The following RNF157 variants were observed in gnomAD, a reference collection of about 807,000 sequenced individuals.
RNF157 encodes ring finger protein 157.
Under a neutral mutation model 88.3 loss-of-function variants are expected in RNF157, and 55 were observed. That is an observed-to-expected ratio of 0.62 (90% CI 0.50 to 0.78). RNF157 has a LOEUF of 0.78. RNF157 is among the 30% of genes least tolerant of loss of function. The pLI is 0.00. For synonymous variants in RNF157, 334 were observed against 341.2 expected, an observed-to-expected ratio of 0.98 and a Z score of 0.23; for missense variants, 788 against 860.8, an observed-to-expected ratio of 0.92 and a Z score of 1.06.
chr17:76,219,248 C>T (rs1281620721), intron 1 of RNF157, among the ~76,000 whole-genome samples: 1 of 151,178 alleles, frequency 6.6e-6, no homozygotes, highest in Non-Finnish European at 1.5e-5. Flanking sequence ...TTCCTAAATC[C>T]AAAAAATACA....
At chr17:76,218,301 T>C (rs528280814) in intron 1 of RNF157, among the ~76,000 whole-genome samples, 1 of 152,122 alleles carries the variant, frequency 6.6e-6, no homozygotes, top group Non-Finnish European at 1.5e-5. Context: ...TCTAAGGTAG[T>C]CAAAGAAAGA....
At chr17:76,156,580 AGACTGCAGCTCGGGT>A in intron 13 of RNF157, 2 of 960,074 alleles carry the variant, frequency 2.1e-6, no homozygotes, top group Non-Finnish European at 2.5e-6. Context: ...GGCCATACAA[AGACTGCAGCTCGGGT>A]GACACAGGTC....
chr17:76,167,403 T>C (rs544032927), intron 4 of RNF157, among the ~76,000 whole-genome samples: 1 of 152,278 alleles, frequency 6.6e-6, no homozygotes, highest in Non-Finnish European at 1.5e-5. Flanking sequence ...ATGGCACAAT[T>C]TGAAGGGAAA....
In RNF157 at chr17:76,161,643, G is replaced by A; in HGVS notation, c.957C>T (p.Phe319=). 1 of 1,613,036 alleles carries A rather than the reference G, an allele frequency of 6.2e-7. No homozygotes were observed. The highest frequency in any genetic ancestry group is 1.1e-5 in the South Asian group (1 of 91,010). The stretch of plus-strand genomic sequence containing the variant: ...TGGCTCGGATCTGAAGCAGTGCCCG[G>A]AAGGCTGTGAAGGAGAAAACAGGCA... ...ANNCPICRLP[F]RALLQIRAMR... Residue 319 remains phenylalanine (F), a synonymous_variant, in exon 11 of 19, where the codon TTC becomes TTT. Coordinates refer to ENST00000269391, the MANE Select transcript of RNF157 (RefSeq NM_052916.3). This position sits in a 1 kb window ranked among gnomAD's most constrained non-coding sequence, Gnocchi z 4.6.
At position 76,226,283 on chromosome 17, in the gene RNF157, T is replaced by A; in HGVS notation, c.89-13801A>T. On this transcript the variant is annotated intron_variant, in intron 1 of 18. Transcript: ENST00000269391. ...GCCCAGCTCTAAACTAAAGGAATGA[T>A]CTGGAGTGGAGGACTGGACCCCTGG... The A allele has an allele frequency of 3.7e-6, 6 of 1,609,030 alleles. No homozygotes were observed. In the South Asian group the frequency reaches 6.6e-5, roughly 18 times the overall value.
In RNF157 at chr17:76,240,098, A is replaced by ACCCCGG; in HGVS notation, c.88+54_88+55insCCGGGG. On this transcript the variant is annotated intron_variant, in intron 1 of 18. Coordinates refer to ENST00000269391, the MANE Select transcript of RNF157 (RefSeq NM_052916.3). The surrounding 1 kb of genome is among the most constrained non-coding windows in gnomAD (Gnocchi z 4.4). ...GCCCCCTCAGGCCGTCCCGACCCAG[A>ACCCCGG]CCCCTGCCCCTGCCCCTCTCCCTCC... The ACCCCGG allele has an allele frequency of 9.0e-7, 1 of 1,109,472 alleles. No individual in the cohort carries two copies. The highest frequency in any genetic ancestry group is 4.3e-5 in the Admixed American group (1 of 23,412). The allele number at this position is 1,109,472 out of a possible 1,614,324, so 68.7% of individuals were successfully genotyped here. A position where few individuals can be genotyped will look rare whatever the true frequency, so the allele number is the denominator to read the frequency against.
intron 18 of RNF157, among the ~76,000 whole-genome samples, chr17:76,150,843 G>A (rs993429394): frequency 1.3e-5 from 2 of 152,250 alleles, no homozygotes; most frequent in South Asian, 4.1e-4. Flanking sequence ...TCCCAGGTGT[G>A]TGCGTGCCCA....
chr17:76,161,672 A>G lies in RNF157; in HGVS notation c.953-25T>C. ...GCTGTGAAGGAGAAAACAGGCAATC[A>G]GGACATCCTGATACAGGATTAAGAA... On this transcript the variant is annotated intron_variant, in intron 10 of 18. Transcript: ENST00000269391. This position sits in a 1 kb window ranked among gnomAD's most constrained non-coding sequence, Gnocchi z 4.6. 1 of 1,595,082 alleles carries G rather than the reference A, an allele frequency of 6.3e-7. No individual in the cohort carries two copies. The highest frequency in any genetic ancestry group is 1.1e-5 in the South Asian group (1 of 90,472).
chr17:76,170,910 T>C (rs776501758), intron 3 of RNF157, among the ~76,000 whole-genome samples: 1 of 152,206 alleles, frequency 6.6e-6, no homozygotes, highest in Non-Finnish European at 1.5e-5. Flanking sequence ...TTTATTTTAT[T>C]GAGATGGAGT....
chr17:76,190,779 C>T (rs552865115), intron 2 of RNF157, among the ~76,000 whole-genome samples: 89 of 151,478 alleles, frequency 5.9e-4, no homozygotes, highest in Non-Finnish European at 1.1e-3. Flanking sequence ...TGGTGGCAGG[C>T]GCCCTGTAGT....
intron 3 of RNF157, among the ~76,000 whole-genome samples, chr17:76,170,279 G>A (rs1382924916): frequency 2.6e-5 from 4 of 152,010 alleles, no homozygotes; most frequent in Non-Finnish European, 4.4e-5. Flanking sequence ...CCAGGCTGGA[G>A]TGCAGTGCTG....
rs1467520929 is a variant in RNF157 at position 76,146,432 on chromosome 17, G to A, written c.1922-1079C>T. ...TCCTCTTCATCTCCTGCCCACAGAT[G>A]AGCTCCTCCCTCCAGTGCCCTCCCT... is the stretch of plus-strand genomic sequence containing the variant. On this transcript the variant is annotated intron_variant, in intron 18 of 18. Coordinates refer to ENST00000269391, the MANE Select transcript of RNF157 (RefSeq NM_052916.3). This position sits in a 1 kb window ranked among gnomAD's most constrained non-coding sequence, Gnocchi z 4.2. 4 of 985,516 alleles carry A rather than the reference G, an allele frequency of 4.1e-6. No individual in the cohort carries two copies. The highest frequency in any genetic ancestry group is 4.8e-6 in the Non-Finnish European group (4 of 830,074). 61.0% of individuals were successfully genotyped at this position (985,516 alleles called of 1,614,324 possible). A position where few individuals can be genotyped will look rare whatever the true frequency, so the allele number is the denominator to read the frequency against.
rs1203381859 is a variant in RNF157 at position 76,167,653 on chromosome 17, G to C, written c.441C>G (p.Ala147=). The part of the protein sequence containing the change: ...QATEEFQNGI[A]SYIPKDNSLQ... ...CTCTCCTGGTCTCCTGATCTTACCTGGCAATACCATTCTGGAACTCTTCCG... is the reference window on the plus strand; with the variant it reads ...CTCTCCTGGTCTCCTGATCTTACCTCGCAATACCATTCTGGAACTCTTCCG... The change falls in exon 4 of 19, where the codon GCC becomes GCG. Residue 147 remains alanine, a splice_region_variant and synonymous_variant. Coordinates refer to ENST00000269391, the MANE Select transcript of RNF157 (RefSeq NM_052916.3). 1 of 1,613,962 alleles carries C rather than the reference G, an allele frequency of 6.2e-7. No homozygotes were observed. The highest frequency in any genetic ancestry group is 1.1e-5 in the South Asian group (1 of 91,060).
At chr17:76,175,485 A>G (rs1168693216) in intron 2 of RNF157, among the ~76,000 whole-genome samples, 1 of 152,188 alleles carries the variant, frequency 6.6e-6, no homozygotes, top group Admixed American at 6.5e-5. Flanking sequence ...AGGCCTTGAC[A>G]TGGTAAAACT....
chr17:76,169,518 T>C (rs1179756474), intron 3 of RNF157, among the ~76,000 whole-genome samples: 1 of 151,474 alleles, frequency 6.6e-6, no homozygotes, highest in African/African-American at 2.4e-5. Context: ...GTGATCCTCC[T>C]GTTTTGGCCT....
rs746805615 is a variant in RNF157 at position 76,152,505 on chromosome 17, G to GT, written c.1811-41dup. 3.6e-5 allele frequency: 44 copies of GT among 1,231,986 alleles called. 1 individual carries two copies. In the South Asian group the frequency reaches 5.1e-4, roughly 14 times the overall value. The allele number at this position is 1,231,986 out of a possible 1,614,324, so 76.3% of individuals were successfully genotyped here. On this transcript the variant is annotated intron_variant, in intron 17 of 18. Coordinates refer to ENST00000269391, the MANE Select transcript of RNF157 (RefSeq NM_052916.3). ...ATGCAGTTAGAGAGGGGCTGGCTGT[G>GT]TTTTTCTCTGCGTTGCTGTCCTTAA...
intron 3 of RNF157, 128 bp downstream of exon 3, chr17:76,173,574 G>A: frequency 1.5e-6 from 1 of 680,012 alleles, no homozygotes; most frequent in South Asian, 1.7e-5. Context: ...TCCTGTCTGA[G>A]GCCCAGAGAA....
intron 2 of RNF157, among the ~76,000 whole-genome samples, chr17:76,192,815 T>C (rs1233460564): frequency 1.3e-5 from 2 of 151,834 alleles, no homozygotes; most frequent in Non-Finnish European, 2.9e-5. Flanking sequence ...ACACAGGTTC[T>C]TGTTTCAGCT....
At chr17:76,204,608 A>G (rs974508367) in intron 2 of RNF157, among the ~76,000 whole-genome samples, 1 of 152,168 alleles carries the variant, frequency 6.6e-6, no homozygotes, top group African/African-American at 2.4e-5. Context: ...GCAAAACTCT[A>G]TGTTACAAAT....
Sources: gnomAD v4.1 joint callset for allele counts (sites outside exome capture counted in the v4.1 genomes callset) on GRCh38, gnomAD v4.1.1 for gene constraint, Gnocchi (gnomAD v3.1) non-coding constraint, MANE v1.5 for transcripts, NCBI Gene and HGNC (gene_info 2026-07-23, HGNC 2026-07-21) for gene names.